The following SV2C variants were observed in gnomAD, a reference collection of about 807,000 sequenced individuals.
The protein encoded by SV2C is solute carrier family 22 member B3.
SV2C carries 49 observed loss-of-function variants against 79.7 expected under a neutral mutation model. The observed-to-expected ratio is 0.61, with a 90% CI of 0.49 to 0.78. SV2C has a LOEUF of 0.78. SV2C is among the 30% of genes least tolerant of loss of function. The probability of loss-of-function intolerance (pLI) is 0.00; values close to 1 mark genes in which losing one functional copy is unlikely to be tolerated. For missense variants in SV2C, 833 were observed against 912.9 expected (o/e 0.91, Z 1.13); for synonymous variants, 334 against 333.2 (o/e 1.00, Z -0.03).
chr5:76,338,666 T>C (rs940186408), downstream of SV2C, among the ~76,000 whole-genome samples: 2 of 150,164 alleles, frequency 1.3e-5, no homozygotes, highest in African/African-American at 2.4e-5. Flanking sequence ...TTTCTTTTTT[T>C]TTTTTTTTTG....
chr5:76,159,284 A>G (rs1285342306), intron 2 of SV2C, among the ~76,000 whole-genome samples: 3 of 152,100 alleles, frequency 2.0e-5, no homozygotes, highest in Non-Finnish European at 4.4e-5. Flanking sequence ...AGCTGGGGCA[A>G]TTAAGTGAGA....
chr5:76,210,741 G>A (rs1357300396), intron 4 of SV2C, among the ~76,000 whole-genome samples: 1 of 152,164 alleles, frequency 6.6e-6, no homozygotes, highest in Non-Finnish European at 1.5e-5. Flanking sequence ...TCATGGCTTG[G>A]TCTTTCTGGT....
intron 2 of SV2C, chr5:76,173,627 T>C (rs1580328602): frequency 6.2e-7 from 1 of 1,609,930 alleles, no homozygotes; most frequent in Admixed American, 1.7e-5. Context: ...GCATTTAGTA[T>C]ATTAAAGCAG....
chr5:76,129,273 A>C (rs1264072025), intron 1 of SV2C, among the ~76,000 whole-genome samples: 1 of 152,212 alleles, frequency 6.6e-6, no homozygotes, highest in East Asian at 1.9e-4. Context: ...TTTCTTGTTT[A>C]TGAAAGGGCA....
At chr5:75,905,560 G>A in the SV2C span, among the ~76,000 whole-genome samples, 3 of 152,156 alleles carry the variant, frequency 2.0e-5, no homozygotes, top group Admixed American at 2.0e-4. Context: ...TCCCTGAGCT[G>A]AGGCTGCAGA....
At chr5:76,257,758 AG>A (rs1229535039) in intron 4 of SV2C, among the ~76,000 whole-genome samples, 3 of 149,734 alleles carry the variant, frequency 2.0e-5, no homozygotes, top group African/African-American at 7.4e-5. Flanking sequence ...GGACGCATGT[AG>A]TGTGTGGTAT....
the SV2C span, among the ~76,000 whole-genome samples, chr5:75,947,346 T>G: frequency 6.6e-6 from 1 of 152,028 alleles, no homozygotes; most frequent in Admixed American, 6.6e-5. Context: ...CCTTTTTATT[T>G]TATTTTTTCT....
the SV2C span, chr5:76,075,695 T>C: frequency 2.8e-6 from 1 of 351,968 alleles, no homozygotes; most frequent in Non-Finnish European, 5.9e-6. Context: ...GTAAAAGAAG[T>C]CTACCCAGAA....
chr5:76,270,850 T>A (rs186498181), intron 4 of SV2C, among the ~76,000 whole-genome samples: 139 of 151,912 alleles, frequency 9.2e-4, no homozygotes, highest in African/African-American at 3.3e-3. Flanking sequence ...CTCACTGCAG[T>A]CTCTGCCTCC....
chr5:75,863,228 C>T, the SV2C span, among the ~76,000 whole-genome samples: 6 of 152,248 alleles, frequency 3.9e-5, 1 homozygote, highest in Middle Eastern at 6.8e-3. Flanking sequence ...GGAAAAGATA[C>T]GCTGTACCCT....
chr5:76,084,225 GC>G (rs1747096154), intron 1 of SV2C: 1 of 152,308 alleles, frequency 6.6e-6, no homozygotes, highest in Non-Finnish European at 1.5e-5. Context: ...CCTTTTGGGC[GC>G]CTGCTGTGCG....
At chr5:76,031,857 T>A in the SV2C span, among the ~76,000 whole-genome samples, 1 of 152,242 alleles carries the variant, frequency 6.6e-6, no homozygotes, top group African/African-American at 2.4e-5. Flanking sequence ...TAGCAACTTG[T>A]CCAGGGACTT....
the SV2C span, among the ~76,000 whole-genome samples, chr5:75,891,021 C>T: frequency 2.6e-5 from 4 of 152,166 alleles, no homozygotes; most frequent in African/African-American, 4.8e-5. Context: ...GTAGATATCT[C>T]GTCCTATTTT....
chr5:76,210,601 A>G (rs558486877), intron 4 of SV2C, among the ~76,000 whole-genome samples: 2 of 152,306 alleles, frequency 1.3e-5, no homozygotes, highest in African/African-American at 4.8e-5. Flanking sequence ...TCCAAACTCC[A>G]TAGTTCAGGG....
At chr5:75,877,065 G>C in the SV2C span, among the ~76,000 whole-genome samples, 6 of 151,906 alleles carry the variant, frequency 3.9e-5, no homozygotes, top group Non-Finnish European at 5.9e-5. Flanking sequence ...ATTTTAGATC[G>C]AAAGATACAA....
intron 12 of SV2C, among the ~76,000 whole-genome samples, chr5:76,312,782 G>A (rs879755195): frequency 2.0e-5 from 3 of 152,172 alleles, no homozygotes; most frequent in Admixed American, 6.5e-5. Context: ...TTTCAGACAT[G>A]AGGTCAGAAA....
At chr5:75,948,800 G>T in the SV2C span, among the ~76,000 whole-genome samples, 1 of 151,988 alleles carries the variant, frequency 6.6e-6, no homozygotes, top group East Asian at 1.9e-4. Context: ...GGTGGGCTGT[G>T]GGGAGATAGG....
At chr5:76,226,555 A>T (rs758137623) in intron 4 of SV2C, among the ~76,000 whole-genome samples, 1 of 152,258 alleles carries the variant, frequency 6.6e-6, no homozygotes, top group Non-Finnish European at 1.5e-5. Context: ...TGGTAAGTAG[A>T]ATAATGGTCT....
the SV2C span, among the ~76,000 whole-genome samples, chr5:75,902,495 A>G: frequency 6.6e-6 from 1 of 152,328 alleles, no homozygotes; most frequent in East Asian, 1.9e-4. Flanking sequence ...CAACCCAGGT[A>G]AAAAGGAACC....
Sources: allele counts gnomAD v4.1 joint callset (sites outside exome capture counted in the v4.1 genomes callset), GRCh38; gene constraint gnomAD v4.1.1; transcripts MANE v1.5; gene names NCBI Gene and HGNC (gene_info 2026-07-23, HGNC 2026-07-21).